The following C12orf42 variants were observed in gnomAD, a reference collection of about 807,000 sequenced individuals.
C12orf42 encodes uncharacterized protein C12orf42.
C12orf42 carries 25 observed loss-of-function variants against 21.6 expected under a neutral mutation model. The observed-to-expected ratio is 1.16, with a 90% CI of 0.84 to 1.62. C12orf42 has a LOEUF of 1.62. C12orf42 is among the 40% of genes most tolerant of loss of function. The pLI is 0.00. For missense variants in C12orf42, 483 were observed against 459.3 expected (o/e 1.05, Z -0.47); for synonymous variants, 174 against 175.0 (o/e 0.99, Z 0.05).
chr12:103,461,286 C>A (rs1357421406), intron 2 of C12orf42, among the ~76,000 whole-genome samples: 1 of 152,144 alleles, frequency 6.6e-6, no homozygotes, highest in African/African-American at 2.4e-5. Flanking sequence ...CATCAGAGCT[C>A]CCTCTTACTT....
the C12orf42 span, among the ~76,000 whole-genome samples, chr12:103,087,740 AAC>A: frequency 1.3e-5 from 2 of 152,238 alleles, no homozygotes; most frequent in Non-Finnish European, 2.9e-5. Flanking sequence ...CATGAGGTTC[AAC>A]AGTTTAGAGG....
the C12orf42 span, among the ~76,000 whole-genome samples, chr12:103,147,608 ACTT>A: frequency 6.1e-5 from 7 of 114,088 alleles, no homozygotes; most frequent in Non-Finnish European, 8.5e-5. Flanking sequence ...GTACTTTGCC[ACTT>A]CTTCTCTCTC....
chr12:103,253,853 G>A (rs2034427199), intron 10 of C12orf42, among the ~76,000 whole-genome samples: 1 of 150,592 alleles, frequency 6.6e-6, no homozygotes, highest in African/African-American at 2.4e-5. Flanking sequence ...ATTTGTTTAA[G>A]TTCTTCATAC....
At chr12:103,262,227 A>T (rs552038288) in intron 10 of C12orf42, 4 of 152,260 alleles carry the variant, frequency 2.6e-5, no homozygotes, top group Admixed American at 6.5e-5. Context: ...ATTTTAGGGA[A>T]CTTATCCTAA....
chr12:103,149,527 T>C, the C12orf42 span, among the ~76,000 whole-genome samples: 1 of 152,096 alleles, frequency 6.6e-6, no homozygotes, highest in African/African-American at 2.4e-5. Flanking sequence ...TAAATTGCAA[T>C]CCCAGGTGTT....
At chr12:103,281,143 T>C (rs1183925264) in intron 4 of C12orf42, among the ~76,000 whole-genome samples, 2 of 152,170 alleles carry the variant, frequency 1.3e-5, no homozygotes, top group Non-Finnish European at 2.9e-5. Context: ...TTTGAAAGAG[T>C]AATTCTACAT....
chr12:103,504,880 A>T, the C12orf42 span: 1 of 165,560 alleles, frequency 6.0e-6, no homozygotes, highest in African/African-American at 2.4e-5. Flanking sequence ...TGACATGCGC[A>T]CCCTGATCCT....
chr12:103,530,630 G>GC, the C12orf42 span, among the ~76,000 whole-genome samples: 20 of 152,224 alleles, frequency 1.3e-4, no homozygotes, highest in East Asian at 2.3e-3. Flanking sequence ...AGTGTTCGGG[G>GC]GGGGAAAACC....
the C12orf42 span, among the ~76,000 whole-genome samples, chr12:103,122,168 T>C: frequency 5.2e-3 from 787 of 152,270 alleles, 5 homozygotes; most frequent in South Asian, 0.017. Flanking sequence ...GTCAGTAGGG[T>C]GCAAACAACT....
At chr12:103,320,581 T>C (rs181937487) in intron 4 of C12orf42, among the ~76,000 whole-genome samples, 49 of 152,350 alleles carry the variant, frequency 3.2e-4, no homozygotes, top group African/African-American at 1.1e-3. Flanking sequence ...TTATGTCACA[T>C]GATTTCAATA....
At chr12:103,342,734 A>T (rs557265290) in intron 4 of C12orf42, among the ~76,000 whole-genome samples, 1 of 146,440 alleles carries the variant, frequency 6.8e-6, no homozygotes, top group East Asian at 2.1e-4. Context: ...AAGCTACAAC[A>T]TGCAAGGACA....
intron 3 of C12orf42, among the ~76,000 whole-genome samples, chr12:103,384,263 A>C (rs2046419765): frequency 6.6e-6 from 1 of 151,312 alleles, no homozygotes; most frequent in Admixed American, 6.6e-5. Context: ...TTCAAAAAAA[A>C]AGTGGGGGGT....
chr12:103,048,702 CAG>C, the C12orf42 span, among the ~76,000 whole-genome samples: 1 of 152,096 alleles, frequency 6.6e-6, no homozygotes, highest in East Asian at 1.9e-4. Context: ...ACCTTTAACC[CAG>C]TATGAGCAGA....
chr12:103,112,385 C>T, the C12orf42 span, among the ~76,000 whole-genome samples: 1 of 152,128 alleles, frequency 6.6e-6, no homozygotes, highest in African/African-American at 2.4e-5. Context: ...TGTGGCCAGG[C>T]GTGGTGGCTT....
intron 2 of C12orf42, among the ~76,000 whole-genome samples, chr12:103,470,832 A>T (rs1384429329): frequency 6.6e-6 from 1 of 152,124 alleles, no homozygotes; most frequent in African/African-American, 2.4e-5. Context: ...GCAGCCTTTG[A>T]ATCACCCCAG....
intron 2 of C12orf42, among the ~76,000 whole-genome samples, chr12:103,411,914 TA>T (rs2048881223): frequency 6.6e-6 from 1 of 152,154 alleles, no homozygotes; most frequent in Admixed American, 6.5e-5. Flanking sequence ...GAAATTGACT[TA>T]AAAAGTTTAT....
chr12:103,506,409 G>A, the C12orf42 span, among the ~76,000 whole-genome samples: 1 of 149,910 alleles, frequency 6.7e-6, no homozygotes. Flanking sequence ...TTGCCACATA[G>A]TGATGTTTTG....
chr12:103,251,869 A>G (rs2034322133), intron 10 of C12orf42, among the ~76,000 whole-genome samples: 1 of 152,226 alleles, frequency 6.6e-6, no homozygotes, highest in Non-Finnish European at 1.5e-5. Flanking sequence ...AATGAAATAA[A>G]AATATAAATT....
the C12orf42 span, among the ~76,000 whole-genome samples, chr12:103,192,331 C>A: frequency 6.6e-6 from 1 of 151,736 alleles, no homozygotes; most frequent in Non-Finnish European, 1.5e-5. Context: ...GGTGAAACCC[C>A]CTCTCTACTA....
Sources: allele counts gnomAD v4.1 joint callset (sites outside exome capture counted in the v4.1 genomes callset), GRCh38; gene constraint gnomAD v4.1.1; transcripts MANE v1.5; gene names NCBI Gene and HGNC (gene_info 2026-07-23, HGNC 2026-07-21).